Variants in KCNT2 observed in about 807,000 individuals in gnomAD.
The protein encoded by KCNT2 is potassium sodium-activated channel subfamily T member 2, also known as potassium channel subfamily T member 2.
A neutral mutation model predicts 153.8 loss-of-function variants in KCNT2; 67 were observed. That is an observed-to-expected ratio of 0.44 (90% CI 0.36 to 0.53). KCNT2 has a LOEUF of 0.53. Among genes scored for constraint, KCNT2 ranks in the 20% least tolerant of loss-of-function variants. KCNT2 has a pLI of 0.00. For synonymous variants in KCNT2, 500 were observed against 458.8 expected (o/e 1.09, Z -1.15); for missense variants, 975 against 1,354.8 (o/e 0.72, Z 4.40).
chr1:196,321,316 T>C (rs1206392179), intron 19 of KCNT2, among the ~76,000 whole-genome samples: 2 of 151,872 alleles, frequency 1.3e-5, no homozygotes, highest in South Asian at 4.1e-4. Flanking sequence ...CACTGGGCTG[T>C]TGCGGTGATC....
intron 22 of KCNT2, among the ~76,000 whole-genome samples, chr1:196,291,049 A>T (rs2147917020): frequency 6.6e-6 from 1 of 152,250 alleles, no homozygotes; most frequent in East Asian, 1.9e-4. Context: ...GCAGACTATT[A>T]GTAAGTCAGA....
At chr1:196,310,803 T>C (rs1662101483) in intron 21 of KCNT2, among the ~76,000 whole-genome samples, 1 of 151,914 alleles carries the variant, frequency 6.6e-6, no homozygotes, top group Admixed American at 6.6e-5. Context: ...TACCTGCAGT[T>C]ATCTTTTAAA....
At chr1:196,408,345 A>T (rs1225500020) in intron 12 of KCNT2, among the ~76,000 whole-genome samples, 1 of 151,480 alleles carries the variant, frequency 6.6e-6, no homozygotes, top group Non-Finnish European at 1.5e-5. Context: ...TATCATATTT[A>T]CTGGCCAAAA....
At chr1:196,559,556 G>T (rs1659114451) in intron 1 of KCNT2, among the ~76,000 whole-genome samples, 1 of 151,532 alleles carries the variant, frequency 6.6e-6, no homozygotes. Flanking sequence ...TTTTGCAAAG[G>T]GTTGCACAAA....
At chr1:196,523,258 C>T (rs1172108881) in intron 1 of KCNT2, among the ~76,000 whole-genome samples, 1 of 152,176 alleles carries the variant, frequency 6.6e-6, no homozygotes, top group Non-Finnish European at 1.5e-5. Context: ...ACTCCAGACA[C>T]ATCTGAACAT....
At chr1:196,277,492 G>T (rs141094892) in intron 25 of KCNT2, among the ~76,000 whole-genome samples, 1 of 152,072 alleles carries the variant, frequency 6.6e-6, no homozygotes, top group Admixed American at 6.6e-5. Flanking sequence ...TCTTTCCGGG[G>T]TCCAGAGGCC....
intron 1 of KCNT2, among the ~76,000 whole-genome samples, chr1:196,499,910 G>A (rs1680536497): frequency 6.6e-6 from 1 of 152,062 alleles, no homozygotes; most frequent in African/African-American, 2.4e-5. Flanking sequence ...TTGGAAGGCC[G>A]AGGCAGGTGG....
intron 1 of KCNT2, among the ~76,000 whole-genome samples, chr1:196,565,905 A>G (rs1303173400): frequency 6.6e-6 from 1 of 151,734 alleles, no homozygotes. Flanking sequence ...TTAATGTACA[A>G]CACAGTAATT....
At chr1:196,603,841 T>C (rs1239568821) in intron 1 of KCNT2, among the ~76,000 whole-genome samples, 1 of 152,266 alleles carries the variant, frequency 6.6e-6, no homozygotes, top group Non-Finnish European at 1.5e-5. Flanking sequence ...AAGTGTGTTG[T>C]GTTCCAAAGT....
Position 196,467,726 on chromosome 1 carries a change from T to C in KCNT2, c.520A>G (p.Lys174Glu). The C allele has an allele frequency of 6.2e-7, 1 of 1,605,974 alleles. No individual in the cohort carries two copies. The highest frequency in any genetic ancestry group is 8.5e-7 in the Non-Finnish European group (1 of 1,174,216). ...ACAATCATATTTTCCAAGGCATGTT[T>C]GGCAAGCCAACAGTTCAGAAAGACT... ...VPVFLNCWLA[K>E]HALENMINDL... Residue 174 changes from lysine (K) to glutamate (E), a missense_variant, in exon 7 of 28, where the codon AAA (lysine) becomes GAA (glutamate). Around this residue, in one of 6 missense-constraint regions of KCNT2, gnomAD observed 140 missense variants for 216.0 expected, o/e 0.65. Coordinates refer to ENST00000294725, the MANE Select transcript of KCNT2 (RefSeq NM_198503.5).
chr1:196,425,107 T>G (rs1307634313), intron 11 of KCNT2, among the ~76,000 whole-genome samples: 6 of 152,010 alleles, frequency 3.9e-5, no homozygotes, highest in Admixed American at 3.9e-4. Context: ...GCAAAACCAC[T>G]TTTGTTGAAG....
In KCNT2 at chr1:196,331,275, C is replaced by G. The variant is rs1403762124; in HGVS notation, c.1998-14G>C. 7.7e-7 allele frequency: 1 copy of G among 1,292,150 alleles called. No individual in the cohort carries two copies. The highest frequency in any genetic ancestry group is 1.1e-6 in the Non-Finnish European group (1 of 888,136). The allele number at this position is 1,292,150 out of a possible 1,614,324, so 80.0% of individuals were successfully genotyped here. A position where few individuals can be genotyped will look rare whatever the true frequency, so the allele number is the denominator to read the frequency against. ...CCTTTAGCATACCTGTAAAATAATA[C>G]AAAATATTACCCTTGGATAAGGCAT... On this transcript the variant is annotated splice_polypyrimidine_tract_variant and intron_variant, in intron 17 of 27. Transcript: ENST00000294725.
chr1:196,359,250 T>C (rs1360905307), intron 14 of KCNT2, among the ~76,000 whole-genome samples: 2 of 152,016 alleles, frequency 1.3e-5, no homozygotes, highest in Non-Finnish European at 1.5e-5. Context: ...TTTGTCTTAC[T>C]ATATCACCCT....
chr1:196,256,932 G>A (rs1389576784), intron 26 of KCNT2, among the ~76,000 whole-genome samples: 4 of 151,782 alleles, frequency 2.6e-5, no homozygotes, highest in African/African-American at 7.3e-5. Context: ...CTAAAATGAC[G>A]ATCTTACTTT....
At chr1:196,246,846 T>C (rs1257946396) in intron 26 of KCNT2, among the ~76,000 whole-genome samples, 1 of 151,092 alleles carries the variant, frequency 6.6e-6, no homozygotes, top group Admixed American at 6.6e-5. Flanking sequence ...AACAGGAAGA[T>C]GAGAAGGAAG....
chr1:196,318,513 A>G (rs2148032262), intron 20 of KCNT2, among the ~76,000 whole-genome samples: 4 of 151,922 alleles, frequency 2.6e-5, no homozygotes, highest in Admixed American at 2.6e-4. Context: ...TTTAGCTTTT[A>G]GATATACTGT....
chr1:196,605,437 T>C (rs1665209450), intron 1 of KCNT2, among the ~76,000 whole-genome samples: 1 of 152,156 alleles, frequency 6.6e-6, no homozygotes, highest in African/African-American at 2.4e-5. Context: ...AGCAAAAGTA[T>C]TGATTCAGAA....
chr1:196,524,029 A>C (rs2148829251), intron 1 of KCNT2, among the ~76,000 whole-genome samples: 1 of 152,340 alleles, frequency 6.6e-6, no homozygotes. Context: ...AAGTTGCTCA[A>C]GATGAACTGT....
At chr1:196,401,237 T>G (rs1017963397) in intron 12 of KCNT2, among the ~76,000 whole-genome samples, 3 of 151,796 alleles carry the variant, frequency 2.0e-5, no homozygotes, top group Non-Finnish European at 4.4e-5. Flanking sequence ...ACTAACATTA[T>G]TTGGAAGAAT....
Sources: allele counts gnomAD v4.1 joint callset (sites outside exome capture counted in the v4.1 genomes callset), GRCh38; gene constraint gnomAD v4.1.1; regional missense constraint gnomAD v4.1.1; transcripts MANE v1.5; gene names NCBI Gene and HGNC (gene_info 2026-07-23, HGNC 2026-07-21).